The following ANO10 variants were observed in gnomAD, a reference collection of about 807,000 sequenced individuals.
ANO10 encodes anoctamin 10, also known as anoctamin-10.
Under a neutral mutation model 74.7 loss-of-function variants are expected in ANO10, and 77 were observed. The observed-to-expected ratio is 1.03, with a 90% CI of 0.86 to 1.25. The LOEUF is 1.25. ANO10 is among the 50% of genes most tolerant of loss of function. ANO10 has a pLI of 0.00. For missense variants in ANO10, 721 were observed against 778.1 expected, an observed-to-expected ratio of 0.93 and a Z score of 0.87; for synonymous variants, 279 against 284.9, an observed-to-expected ratio of 0.98 and a Z score of 0.21.
At chr3:43,523,549 A>T (rs2078053393) in intron 11 of ANO10, among the ~76,000 whole-genome samples, 1 of 152,166 alleles carries the variant, frequency 6.6e-6, no homozygotes, top group African/African-American at 2.4e-5. Context: ...GGCTACACAC[A>T]AGGCACTGAG....
chr3:43,555,123 T>C (rs2079675928), intron 10 of ANO10, among the ~76,000 whole-genome samples, 155 bp downstream of exon 10: 1 of 152,206 alleles, frequency 6.6e-6, no homozygotes, highest in Admixed American at 6.5e-5. Flanking sequence ...ACAAAGTTAA[T>C]GGTTATCCAA....
At chr3:43,597,065 T>C (rs1255686454) in intron 4 of ANO10, among the ~76,000 whole-genome samples, 2 of 152,154 alleles carry the variant, frequency 1.3e-5, no homozygotes, top group East Asian at 1.9e-4. Flanking sequence ...CACAATGAGA[T>C]ACCATCTCAC....
At chr3:43,374,323 C>G (rs899556713) in intron 12 of ANO10, among the ~76,000 whole-genome samples, 1 of 152,228 alleles carries the variant, frequency 6.6e-6, no homozygotes, top group African/African-American at 2.4e-5. Flanking sequence ...ACACTTACAT[C>G]ACATTGCACG....
chr3:43,618,703 T>A (rs2083241487), intron 1 of ANO10, among the ~76,000 whole-genome samples: 2 of 152,176 alleles, frequency 1.3e-5, no homozygotes, highest in Admixed American at 1.3e-4. Context: ...AAAGAGATAA[T>A]AAGCATGGAT....
At chr3:43,529,902 T>C (rs1470813602) in intron 11 of ANO10, among the ~76,000 whole-genome samples, 2 of 152,082 alleles carry the variant, frequency 1.3e-5, no homozygotes, top group Non-Finnish European at 2.9e-5. Flanking sequence ...TAACATAAAA[T>C]AATATGATAA....
intron 11 of ANO10, among the ~76,000 whole-genome samples, chr3:43,488,326 A>C (rs1160364458): frequency 1.8e-4 from 27 of 149,228 alleles, no homozygotes; most frequent in African/African-American, 6.6e-4. Context: ...AATGGGATCT[A>C]ATTAAACTAA....
chr3:43,545,427 G>A (rs906935137), intron 11 of ANO10, among the ~76,000 whole-genome samples: 2 of 151,894 alleles, frequency 1.3e-5, no homozygotes, highest in Admixed American at 1.3e-4. Context: ...AGGCTGGAGC[G>A]CAGTGGCGCA....
intron 11 of ANO10, among the ~76,000 whole-genome samples, chr3:43,497,216 A>G (rs981764014): frequency 6.6e-6 from 1 of 152,232 alleles, no homozygotes; most frequent in East Asian, 1.9e-4. Flanking sequence ...CAGGAGGCAC[A>G]TGCAAACTTA....
chr3:43,633,957 C>T (rs1268530111), intron 1 of ANO10, among the ~76,000 whole-genome samples: 1 of 135,510 alleles, frequency 7.4e-6, no homozygotes, highest in Non-Finnish European at 1.5e-5. Context: ...CAAACCTGCT[C>T]AACCTGAGGG....
chr3:43,497,062 T>G (rs2076943739), intron 11 of ANO10, among the ~76,000 whole-genome samples: 1 of 152,188 alleles, frequency 6.6e-6, no homozygotes, highest in African/African-American at 2.4e-5. Flanking sequence ...AGAATTTTCT[T>G]TGGTAGATGG....
At chr3:43,598,762 C>T in intron 3 of ANO10, 96 bp from the exon 4 acceptor site, 1 of 975,416 alleles carries the variant, frequency 1.0e-6, no homozygotes, top group Non-Finnish European at 1.5e-6. Flanking sequence ...AAACAATAAG[C>T]AATTAACATA....
intron 11 of ANO10, among the ~76,000 whole-genome samples, chr3:43,500,284 T>A (rs565340119): frequency 6.6e-6 from 1 of 152,316 alleles, no homozygotes; most frequent in African/African-American, 2.4e-5. Flanking sequence ...GCAGCAGTCC[T>A]TAAAACAGTG....
intron 11 of ANO10, among the ~76,000 whole-genome samples, chr3:43,452,375 C>G (rs533125626): frequency 1.1e-3 from 175 of 152,294 alleles, no homozygotes; most frequent in African/African-American, 3.9e-3. Flanking sequence ...CACCAGTCTA[C>G]TTTCTGTATT....
chr3:43,594,116 C>T (rs1253672517), intron 4 of ANO10, among the ~76,000 whole-genome samples: 1 of 152,108 alleles, frequency 6.6e-6, no homozygotes, highest in Non-Finnish European at 1.5e-5. Flanking sequence ...TAAAGCAAAT[C>T]CTTAGAGACC....
rs188687678 is a variant in ANO10, at chr3:43,387,300, G to A, written c.1915-20326C>T. Among the ~76,000 whole-genome samples, 53 of 152,302 alleles carry A rather than the reference G, an allele frequency of 3.5e-4. 2 individuals are homozygous for A. The highest frequency in any genetic ancestry group is 2.9e-3 in the Admixed American group (44 of 15,310). Reference sequence around the variant, plus strand: ...GTGGTCCGTCATTGACCAAAACGTCGTCACACAGTGCGTGACTGCACTTGG... The same window carrying A: ...GTGGTCCGTCATTGACCAAAACGTCATCACACAGTGCGTGACTGCACTTGG... On this transcript the variant is annotated intron_variant, in intron 12 of 12. Transcript: ENST00000292246.
chr3:43,650,909 T>C (rs994642512), intron 1 of ANO10, among the ~76,000 whole-genome samples: 1 of 152,234 alleles, frequency 6.6e-6, no homozygotes, highest in Non-Finnish European at 1.5e-5. Context: ...CAGATACCTA[T>C]GTTAATTTCC....
chr3:43,630,480 T>C (rs1406032760), intron 1 of ANO10, among the ~76,000 whole-genome samples: 1 of 152,118 alleles, frequency 6.6e-6, no homozygotes. Context: ...AAAAAAAGCC[T>C]ATTAAACAAA....
Position 43,481,460 on chromosome 3 carries a change from G to C in ANO10, c.1798-48733C>G, listed in dbSNP as rs529020293. On this transcript the variant is annotated intron_variant, in intron 11 of 12. Coordinates refer to ENST00000292246, the MANE Select transcript of ANO10 (RefSeq NM_018075.5). The stretch of plus-strand genomic sequence containing the variant: ...GACTGAGGGTCCTTCACTCAGCCAA[G>C]GGCATTCCAAAGCTAACCTGAAAAA... 1.2e-3 allele frequency among the ~76,000 whole-genome samples: 186 copies of C among 152,196 alleles called. 1 individual carries two copies. Among genetic ancestry groups the C allele is most frequent in the African/African-American group, 3.9e-3 (160 of 41,556 alleles).
chr3:43,430,018 A>G (rs946525841), intron 12 of ANO10, among the ~76,000 whole-genome samples: 1 of 152,146 alleles, frequency 6.6e-6, no homozygotes, highest in Non-Finnish European at 1.5e-5. Flanking sequence ...CATTTCCCAA[A>G]TCCAGTGAGG....
Sources: gnomAD v4.1 joint callset for allele counts (sites outside exome capture counted in the v4.1 genomes callset) on GRCh38, gnomAD v4.1.1 for gene constraint, MANE v1.5 for transcripts, NCBI Gene and HGNC (gene_info 2026-07-23, HGNC 2026-07-21) for gene names.